Variants in CDH4 observed in about 807,000 individuals in gnomAD.
The protein encoded by CDH4 is cadherin 4, also known as cadherin-4.
Under a neutral mutation model 86.0 loss-of-function variants are expected in CDH4, and 33 were observed. That is an observed-to-expected ratio of 0.38 (90% confidence interval 0.29 to 0.51). The LOEUF is 0.51. Among genes scored for constraint, CDH4 ranks in the 20% least tolerant of loss-of-function variants. The pLI, the probability that CDH4 is intolerant of heterozygous loss-of-function variation, is 0.86. For missense variants in CDH4, 1,114 were observed against 1,307.4 expected (o/e 0.85, Z 2.28); for synonymous variants, 555 against 549.4 (o/e 1.01, Z -0.14).
At chr20:61,578,360 A>G (rs547891271) in intron 2 of CDH4, among the ~76,000 whole-genome samples, 54 of 152,312 alleles carry the variant, frequency 3.5e-4, no homozygotes, top group African/African-American at 1.1e-3. Context: ...TTGTCAGAAG[A>G]TTCTCATACC....
rs1980504309 is a variant in CDH4 at position 61,812,754 on chromosome 20, T to C, written c.577-31914T>C. Among the ~76,000 whole-genome samples, 6 of 152,326 alleles carry C rather than the reference T, an allele frequency of 3.9e-5. No homozygotes were observed. In the South Asian group the frequency reaches 1.2e-3, roughly 32 times the overall value. ...ATGTGTGCATTTTCCACGATTTGCA[T>C]TTGTACAAAATGCTTGCAACCTCCT... On this transcript the variant is annotated intron_variant, in intron 4 of 15. Transcript: ENST00000614565.
rs2084071975 is a variant in CDH4 at position 61,252,921 on chromosome 20, G to A, written c.57+351G>A. 1.3e-5 allele frequency among the ~76,000 whole-genome samples: 2 copies of A among 151,918 alleles called. No homozygotes were observed. Among genetic ancestry groups the A allele is most frequent in the South Asian group, 4.1e-4 (2 of 4,826 alleles). ...CATGGGGCAGGCTTCCACTGGCGGA[G>A]CCGGCGCGCCCTCCATCGCCCGGGA... On this transcript the variant is annotated intron_variant, in intron 1 of 15. Transcript: ENST00000614565. This position sits in a 1 kb window ranked among gnomAD's most constrained non-coding sequence, Gnocchi z 4.4.
intron 2 of CDH4, among the ~76,000 whole-genome samples, chr20:61,286,629 A>G (rs1861307261): frequency 6.6e-6 from 1 of 152,264 alleles, no homozygotes; most frequent in Non-Finnish European, 1.5e-5. Context: ...AAGCTTTTTA[A>G]CATCCCTGAG....
intron 2 of CDH4, among the ~76,000 whole-genome samples, chr20:61,296,248 T>TGC (rs2084351756): frequency 1.2e-5 from 1 of 81,274 alleles, no homozygotes; most frequent in Non-Finnish European, 2.6e-5. Flanking sequence ...TGTGTATGTG[T>TGC]GTGTGCATGT....
chr20:61,765,215 C>T (rs2088684141), intron 3 of CDH4, among the ~76,000 whole-genome samples: 1 of 152,144 alleles, frequency 6.6e-6, no homozygotes, highest in Non-Finnish European at 1.5e-5. Context: ...CCTGGCCGCT[C>T]AGGGCTCGGA....
intron 5 of CDH4, among the ~76,000 whole-genome samples, chr20:61,851,357 A>G (rs909434134): frequency 1.3e-5 from 2 of 152,150 alleles, no homozygotes; most frequent in African/African-American, 4.8e-5. Flanking sequence ...GCCAAACCAA[A>G]ACACTGGTAT....
At chr20:61,693,135 C>T (rs907325341) in intron 2 of CDH4, among the ~76,000 whole-genome samples, 2 of 152,094 alleles carry the variant, frequency 1.3e-5, no homozygotes, top group African/African-American at 4.8e-5. Context: ...ATCAGAGAGG[C>T]CAGTCACTTT....
intron 3 of CDH4, among the ~76,000 whole-genome samples, chr20:61,758,103 CA>C (rs2088587471): frequency 6.6e-6 from 1 of 152,184 alleles, no homozygotes; most frequent in African/African-American, 2.4e-5. Flanking sequence ...TGCGGTTTGG[CA>C]AATGCTGTGC....
At chr20:61,813,789 C>T (rs1433422621) in intron 4 of CDH4, among the ~76,000 whole-genome samples, 3 of 152,178 alleles carry the variant, frequency 2.0e-5, no homozygotes, top group Non-Finnish European at 4.4e-5. Context: ...TGCCCAACTG[C>T]CAGGGATCCC....
chr20:61,651,395 C>A (rs556154361), intron 2 of CDH4, among the ~76,000 whole-genome samples: 1 of 152,250 alleles, frequency 6.6e-6, no homozygotes, highest in Non-Finnish European at 1.5e-5. Context: ...CCGAGTCAAG[C>A]GTACAGGGGC....
intron 2 of CDH4, among the ~76,000 whole-genome samples, chr20:61,305,915 A>G (rs2084414755): frequency 1.3e-5 from 2 of 152,216 alleles, no homozygotes; most frequent in Admixed American, 1.3e-4. Flanking sequence ...GATAGGGGTG[A>G]TAAATATATA....
chr20:61,934,328 G>A (rs539278765), intron 15 of CDH4, 108 bp downstream of exon 15: 128 of 1,268,686 alleles, frequency 1.0e-4, no homozygotes, highest in East Asian at 7.0e-4. Flanking sequence ...GCTGCCGTGG[G>A]TGGGAGGCAG....
chr20:61,635,225 A>G (rs1333315458), intron 2 of CDH4, among the ~76,000 whole-genome samples: 1 of 152,196 alleles, frequency 6.6e-6, no homozygotes, highest in Non-Finnish European at 1.5e-5. Context: ...GCTGTTTTCC[A>G]CAGGGGCCTC....
intron 2 of CDH4, among the ~76,000 whole-genome samples, chr20:61,312,125 G>GT (rs2084449137): frequency 6.9e-6 from 1 of 144,668 alleles, no homozygotes; most frequent in Non-Finnish European, 1.5e-5. Flanking sequence ...TGTGCATGTG[G>GT]GTGGTGTGTG....
chr20:61,319,108 A>T (rs1478528529), intron 2 of CDH4, among the ~76,000 whole-genome samples: 2 of 152,200 alleles, frequency 1.3e-5, no homozygotes, highest in African/African-American at 4.8e-5. Flanking sequence ...CGCTCACCTC[A>T]TGGTCCTTAG....
At position 61,934,228 on chromosome 20, in the gene CDH4, C is replaced by A. The variant is rs1393409026; in HGVS notation, c.2544+8C>A. 15 of 1,529,278 alleles carry A rather than the reference C, an allele frequency of 9.8e-6. No homozygotes were observed. The highest frequency in any genetic ancestry group is 1.4e-5 in the African/African-American group (1 of 71,836). The allele number at this position is 1,529,278 out of a possible 1,614,324, so 94.7% of individuals were successfully genotyped here. A position where few individuals can be genotyped will look rare whatever the true frequency, so the allele number is the denominator to read the frequency against. The stretch of plus-strand genomic sequence containing the variant: ...GGTGACTTCATCAATGAGGTGTGTG[C>A]CTCTCGGCAGTGGGGGGCCCGGGCA... On this transcript the variant is annotated splice_region_variant and intron_variant, in intron 15 of 15. Transcript: ENST00000614565.
chr20:61,739,547 G>A (rs571119089), intron 2 of CDH4, among the ~76,000 whole-genome samples: 2 of 152,338 alleles, frequency 1.3e-5, no homozygotes, highest in South Asian at 4.2e-4. Flanking sequence ...ATCCCAGCCA[G>A]GCCTGAGCAC....
Position 61,313,809 on chromosome 20 carries a change from C to T in CDH4, c.169+58872C>T, listed in dbSNP as rs568342964. Among the ~76,000 whole-genome samples the T allele has an allele frequency of 5.3e-5, 8 of 152,334 alleles. No individual in the cohort carries two copies. In the South Asian group the frequency reaches 1.7e-3, roughly 32 times the overall value. On this transcript the variant is annotated intron_variant, in intron 2 of 15. Transcript: ENST00000614565. ...TGGAGTGCAGTGGTGCAATCATAGC[C>T]CACTACAGCCTCAAACTCATGGCCT...
chr20:61,440,634 C>G (rs1262036209), intron 2 of CDH4, among the ~76,000 whole-genome samples: 1 of 152,206 alleles, frequency 6.6e-6, no homozygotes, highest in Admixed American at 6.5e-5. Flanking sequence ...CCTGTTGAAG[C>G]CTTTCTGACA....
Sources: allele counts gnomAD v4.1 joint callset (sites outside exome capture counted in the v4.1 genomes callset), GRCh38; gene constraint gnomAD v4.1.1; non-coding constraint Gnocchi (gnomAD v3.1); transcripts MANE v1.5; gene names NCBI Gene and HGNC (gene_info 2026-07-23, HGNC 2026-07-21).